The following TMCO4 variants were observed in gnomAD, a reference collection of about 807,000 sequenced individuals.
TMCO4 encodes the protein transmembrane and coiled-coil domain-containing protein 4.
TMCO4 carries 58 observed loss-of-function variants against 64.7 expected under a neutral mutation model. That is an observed-to-expected ratio of 0.90 (90% CI 0.73 to 1.12). The LOEUF (loss-of-function observed/expected upper bound fraction) is 1.12. Ranked by LOEUF, TMCO4 falls within the 50% of genes most tolerant of loss-of-function variation. TMCO4 has a pLI of 0.00. For synonymous variants in TMCO4, 325 were observed against 346.1 expected (o/e 0.94, Z 0.68); for missense variants, 780 against 825.9 (o/e 0.94, Z 0.68).
intron 4 of TMCO4, among the ~76,000 whole-genome samples, chr1:19,779,403 G>A (rs2043354454): frequency 6.6e-6 from 1 of 152,154 alleles, no homozygotes; most frequent in Non-Finnish European, 1.5e-5. Context: ...TCCCCTGGAT[G>A]ACTCCGTTGG....
rs377224012 is a variant in TMCO4, at chr1:19,683,185, C to G, written c.1760G>C (p.Gly587Ala). ...GGAGGCCCCTTCAGACTGGTCCAGC[C>G]CTACTGGCACCTGGGCTTGGCTGGG... ...TDPSQAQVPV[G>A]LDQSEGASLP... is the part of the protein sequence containing the mutation. The change falls in exon 16 of 16, where the codon GGG becomes GCG. Residue 587 changes from glycine (G) to alanine (A), a missense_variant. Gly to Ala is a moderately conservative substitution (Grantham distance 60, BLOSUM62 0). Coordinates refer to ENST00000294543, the MANE Select transcript of TMCO4 (RefSeq NM_181719.7). 9 of 1,614,108 alleles carry G rather than the reference C, an allele frequency of 5.6e-6. No individual in the cohort carries two copies. Among genetic ancestry groups the G allele is most frequent in the Non-Finnish European group, 7.6e-6 (9 of 1,180,046 alleles).
intron 13 of TMCO4, among the ~76,000 whole-genome samples, chr1:19,702,099 A>G (rs1472826827): frequency 6.6e-6 from 1 of 152,010 alleles, no homozygotes; most frequent in Non-Finnish European, 1.5e-5. Context: ...TCTCCCAAGT[A>G]GCTGGGACTA....
At position 19,707,484 on chromosome 1, in the gene TMCO4, GT is replaced by G. The variant is rs999805009; in HGVS notation, c.1265-6600del. Among the ~76,000 whole-genome samples, 299 of 152,286 alleles carry G rather than the reference GT, an allele frequency of 2.0e-3. 1 individual carries two copies. The highest frequency in any genetic ancestry group is 7.1e-3 in the African/African-American group (296 of 41,570). On this transcript the variant is annotated intron_variant, in intron 13 of 15. Coordinates refer to ENST00000294543, the MANE Select transcript of TMCO4 (RefSeq NM_181719.7). ...CTAAAAACACAAAAATTATCCCGGG[GT>G]GGTGGCACATGCCTGTAATCCCAAC... is the stretch of plus-strand genomic sequence containing the variant.
At position 19,733,664 on chromosome 1, in the gene TMCO4, G is replaced by A. The variant is rs114414962; in HGVS notation, c.1264+3708C>T. On this transcript the variant is annotated intron_variant, in intron 13 of 15. Transcript: ENST00000294543. ...ATATTTTGGGAAAACAATTGCCCAC[G>A]TGCTGCTGATGTGTACCTCCAGGTG... Among the ~76,000 whole-genome samples, 1,274 of 152,260 alleles carry A rather than the reference G, an allele frequency of 8.4e-3. 14 individuals carry two copies. The highest frequency in any genetic ancestry group is 0.029 in the African/African-American group (1,218 of 41,544).
intron 4 of TMCO4, among the ~76,000 whole-genome samples, chr1:19,779,982 G>C (rs533035326): frequency 6.6e-6 from 1 of 152,236 alleles, no homozygotes; most frequent in South Asian, 2.1e-4. Context: ...ACCAGATTGT[G>C]AGTTCCTTAG....
At chr1:19,716,381 C>CTTTTTTTTTTTTTTTTTTTTTTTTT (rs1262772167) in intron 13 of TMCO4, among the ~76,000 whole-genome samples, 4 of 124,470 alleles carry the variant, frequency 3.2e-5, no homozygotes, top group East Asian at 2.3e-4. Context: ...TTTTTTCTTT[C>CTTTTTTTTTTTTTTTTTTTTTTTTT]TTTTTTTTTT....
intron 13 of TMCO4, among the ~76,000 whole-genome samples, chr1:19,722,489 T>C (rs2095389603): frequency 6.6e-6 from 1 of 152,166 alleles, no homozygotes; most frequent in South Asian, 2.1e-4. Context: ...TGATCTACAT[T>C]AATAATAAGG....
intron 14 of TMCO4, 29 bp downstream of exon 14, chr1:19,700,739 T>A (rs372989834): frequency 4.4e-6 from 7 of 1,585,892 alleles, no homozygotes; most frequent in Admixed American, 1.7e-5. Context: ...GCATTGTCAC[T>A]TCCCCGCTGG....
At chr1:19,694,614 C>G in intron 14 of TMCO4, 63 bp from the exon 15 acceptor site, 1 of 1,506,012 alleles carries the variant, frequency 6.6e-7, no homozygotes, top group Non-Finnish European at 9.1e-7. Context: ...AAGGACAGGA[C>G]GGGCCAGGCT....
chr1:19,705,555 C>T (rs1244287776), intron 13 of TMCO4, among the ~76,000 whole-genome samples: 1 of 151,564 alleles, frequency 6.6e-6, no homozygotes, highest in African/African-American at 2.4e-5. Flanking sequence ...AAAAACAACT[C>T]ATGTTTTAGG....
At chr1:19,746,681 T>C (rs2041800600) in intron 8 of TMCO4, 82 bp from the exon 9 acceptor site, 1 of 1,496,352 alleles carries the variant, frequency 6.7e-7, no homozygotes, top group Non-Finnish European at 9.0e-7. Context: ...TCCCAGCACT[T>C]TGGGAGGCCG....
rs778273104 is a variant in TMCO4, at chr1:19,740,822, C to A, written c.997G>T (p.Ala333Ser). 6 of 1,613,946 alleles carry A rather than the reference C, an allele frequency of 3.7e-6. No individual in the cohort carries two copies. In the East Asian group the frequency reaches 1.1e-4, roughly 30 times the overall value. ...NALETILSGL[A>S]NMVAQEALKY... is the part of the protein sequence containing the mutation. ...AGGGCCTCCTGGGCCACCATGTTGGCGAGACCACTGAGGATGGTCTCCAGG... is the reference window on the plus strand; with the variant it reads ...AGGGCCTCCTGGGCCACCATGTTGGAGAGACCACTGAGGATGGTCTCCAGG... The change falls in exon 11 of 16, where the codon GCC becomes TCC. Residue 333 changes from alanine to serine, a missense_variant. Physicochemically the swap from Ala to Ser is moderately conservative, Grantham distance 99. Coordinates refer to ENST00000294543, the MANE Select transcript of TMCO4 (RefSeq NM_181719.7).
At position 19,747,207 on chromosome 1, in the gene TMCO4, T is replaced by A. The variant is rs140645448; in HGVS notation, c.569A>T (p.Tyr190Phe). 6.2e-7 allele frequency: 1 copy of A among 1,613,990 alleles called. No individual in the cohort carries two copies. The highest frequency in any genetic ancestry group is 1.3e-5 in the African/African-American group (1 of 74,922). The change falls in exon 8 of 16, where the codon TAT becomes TTT. Residue 190 changes from tyrosine to phenylalanine, a missense_variant. Transcript: ENST00000294543. ...KKENRRKWKR[Y>F]LLIGLATVGG... Reference sequence around the variant, plus strand: ...GACAGTCGCCAGGCCTATCAGGAGATAACGCTTCCATTTCCTCCGGTTTTC... The same window carrying A: ...GACAGTCGCCAGGCCTATCAGGAGAAAACGCTTCCATTTCCTCCGGTTTTC...
At chr1:19,728,756 A>G (rs2095418642) in intron 13 of TMCO4, among the ~76,000 whole-genome samples, 1 of 152,180 alleles carries the variant, frequency 6.6e-6, no homozygotes, top group Admixed American at 6.5e-5. Flanking sequence ...TTCTCACCCA[A>G]GCACCCTCAG....
At chr1:19,796,930 T>C (rs1313263614) in intron 2 of TMCO4, among the ~76,000 whole-genome samples, 1 of 152,188 alleles carries the variant, frequency 6.6e-6, no homozygotes, top group Non-Finnish European at 1.5e-5. Context: ...GGTTTATTTA[T>C]GGTCTATCTC....
At chr1:19,701,736 T>A (rs1570676127) in intron 13 of TMCO4, among the ~76,000 whole-genome samples, 1 of 150,882 alleles carries the variant, frequency 6.6e-6, no homozygotes, top group Non-Finnish European at 1.5e-5. Context: ...AAGTGGGGGG[T>A]GAAGAGGAGA....
At chr1:19,746,879 A>G (rs1300151992) in intron 8 of TMCO4, among the ~76,000 whole-genome samples, 1 of 145,772 alleles carries the variant, frequency 6.9e-6, no homozygotes, top group African/African-American at 2.6e-5. Flanking sequence ...AGCCGAGATC[A>G]TGCCACTGCA....
At chr1:19,774,924 T>G (rs1043146904) in intron 4 of TMCO4, among the ~76,000 whole-genome samples, 9 of 152,158 alleles carry the variant, frequency 5.9e-5, no homozygotes, top group Admixed American at 2.6e-4. Context: ...GCATACCAGC[T>G]GCAGAGGTTA....
In TMCO4 at chr1:19,743,271, A is replaced by C. The variant is rs1383026596; in HGVS notation, c.877+2261T>G. 6.6e-6 allele frequency among the ~76,000 whole-genome samples: 1 copy of C among 152,038 alleles called. No homozygotes were observed. Among genetic ancestry groups the C allele is most frequent in the Non-Finnish European group, 1.5e-5 (1 of 68,000 alleles). On this transcript the variant is annotated intron_variant, in intron 10 of 15. Coordinates refer to ENST00000294543, the MANE Select transcript of TMCO4 (RefSeq NM_181719.7). This position sits in a 1 kb window ranked among gnomAD's most constrained non-coding sequence, Gnocchi z 4.1. ...GTGCGAATGACAGCCACTTCCCTGG[A>C]CTGAAGTGAGGAGCTAAATGAGCCA...
Sources: allele counts gnomAD v4.1 joint callset (sites outside exome capture counted in the v4.1 genomes callset), GRCh38; gene constraint gnomAD v4.1.1; non-coding constraint Gnocchi (gnomAD v3.1); transcripts MANE v1.5; gene names NCBI Gene and HGNC (gene_info 2026-07-23, HGNC 2026-07-21).